ATF1: variants seen among roughly 807,000 people sequenced by gnomAD.
ATF1 encodes cyclic AMP-dependent transcription factor ATF-1.
ATF1 carries 16 observed loss-of-function variants against 34.7 expected under a neutral mutation model. The ratio of observed to expected loss-of-function variants is 0.46; its 90% confidence interval spans 0.31 to 0.70. ATF1 has a LOEUF of 0.70. ATF1 is among the 30% of genes least tolerant of loss of function. The probability of loss-of-function intolerance (pLI) is 0.05; values close to 1 mark genes in which losing one functional copy is unlikely to be tolerated. For missense variants in ATF1, 255 were observed against 321.6 expected, an observed-to-expected ratio of 0.79 and a Z score of 1.58; for synonymous variants, 105 against 113.1, an observed-to-expected ratio of 0.93 and a Z score of 0.46.
intron 3 of ATF1, among the ~76,000 whole-genome samples, chr12:50,801,993 T>A (rs2139678677): frequency 6.6e-6 from 1 of 152,296 alleles, no homozygotes; most frequent in East Asian, 1.9e-4. Context: ...GACAGTATCT[T>A]ATATATACAA....
intron 1 of ATF1, 121 bp from the exon 2 acceptor site, chr12:50,780,019 C>A: frequency 1.6e-6 from 1 of 625,544 alleles, no homozygotes; most frequent in Non-Finnish European, 2.6e-6. Context: ...TATCTCTATA[C>A]CATTGCTACC....
intron 2 of ATF1, among the ~76,000 whole-genome samples, chr12:50,787,472 C>T (rs1019887553): frequency 6.6e-6 from 1 of 152,130 alleles, no homozygotes; most frequent in African/African-American, 2.4e-5. Context: ...GTGGCTCACG[C>T]CTGTAATCCC....
At chr12:50,779,632 C>T (rs1941010733) in intron 1 of ATF1, among the ~76,000 whole-genome samples, 1 of 148,714 alleles carries the variant, frequency 6.7e-6, no homozygotes, top group Non-Finnish European at 1.5e-5. Context: ...GTTAGTGGTT[C>T]TCTCCCTATT....
chr12:50,793,861 GGGGAAGGC>G (rs1341454721), intron 2 of ATF1, among the ~76,000 whole-genome samples: 1 of 152,086 alleles, frequency 6.6e-6, no homozygotes, highest in Non-Finnish European at 1.5e-5. Context: ...AAATAGTTTA[GGGGAAGGC>G]TTTCTATAGA....
At position 50,796,026 on chromosome 12, in the gene ATF1, A is replaced by T. The variant is rs772908200; in HGVS notation, c.194+17A>T. On this transcript the variant is annotated intron_variant, in intron 3 of 6. Coordinates refer to ENST00000262053, the MANE Select transcript of ATF1 (RefSeq NM_005171.5). ...ATCTTACAGGTGAGTACTCTCTTGT[A>T]TGAAGCCCTGCATGTTATGATAGTA... The T allele has an allele frequency of 2.5e-6, 4 of 1,571,480 alleles. No individual in the cohort carries two copies. Among genetic ancestry groups the T allele is most frequent in the Non-Finnish European group, 3.5e-6 (4 of 1,153,630 alleles).
At chr12:50,768,410 A>T (rs1463449195) in intron 1 of ATF1, among the ~76,000 whole-genome samples, 6 of 152,242 alleles carry the variant, frequency 3.9e-5, no homozygotes, top group African/African-American at 1.4e-4. Context: ...TATGGTTAAA[A>T]TAAGTTTAAT....
chr12:50,816,593 A>G (rs1378030559), intron 6 of ATF1, among the ~76,000 whole-genome samples: 2 of 151,932 alleles, frequency 1.3e-5, no homozygotes, highest in African/African-American at 2.4e-5. Flanking sequence ...GAAACATTTT[A>G]ATGGAAAAAA....
intron 6 of ATF1, among the ~76,000 whole-genome samples, chr12:50,816,504 C>T (rs1039790088): frequency 1.3e-5 from 2 of 152,130 alleles, no homozygotes; most frequent in African/African-American, 2.4e-5. Flanking sequence ...AGGTGATGGA[C>T]ACCCTGAATC....
At chr12:50,769,154 T>C (rs1462097106) in intron 1 of ATF1, among the ~76,000 whole-genome samples, 1 of 152,180 alleles carries the variant, frequency 6.6e-6, no homozygotes, top group Non-Finnish European at 1.5e-5. Flanking sequence ...GTACTTTTGG[T>C]AAAAGATTAT....
intron 1 of ATF1, among the ~76,000 whole-genome samples, chr12:50,764,858 C>T (rs1940591136): frequency 6.6e-6 from 1 of 152,238 alleles, no homozygotes; most frequent in African/African-American, 2.4e-5. Context: ...CCCAGACAGT[C>T]CTGGAGAGAT....
intron 6 of ATF1, among the ~76,000 whole-genome samples, chr12:50,818,862 T>A (rs778044078): frequency 8.5e-5 from 13 of 152,228 alleles, no homozygotes; most frequent in Non-Finnish European, 1.9e-4. Context: ...CGCCTTGGCC[T>A]CTTAAAGTGC....
Position 50,814,031 on chromosome 12 carries a change from C to A in ATF1, c.350C>A (p.Ala117Asp), listed in dbSNP as rs377731971. ...GQYIAIAPNG[A>D]LQLASPGTDG... ...AAAGTTGCCATTGCCCCAAATGGAGCCTTACAGTTGGCAAGTCCAGGCACA... is the reference window on the plus strand; with the variant it reads ...AAAGTTGCCATTGCCCCAAATGGAGACTTACAGTTGGCAAGTCCAGGCACA... Residue 117 changes from alanine (A) to aspartate (D), a missense_variant, in exon 5 of 7, where the codon GCC (alanine) becomes GAC (aspartate). Physicochemically the swap from Ala to Asp is moderately radical, Grantham distance 126 (BLOSUM62 -2). Around this residue, in one of 2 missense-constraint regions of ATF1, gnomAD observed 221 missense variants for 250.7 expected, o/e 0.88. Transcript: ENST00000262053. 363 of 1,613,504 alleles carry A rather than the reference C, an allele frequency of 2.2e-4. 4 individuals are homozygous for A. In the South Asian group the frequency reaches 3.7e-3, roughly 16 times the overall value.
intron 2 of ATF1, among the ~76,000 whole-genome samples, chr12:50,789,318 C>G (rs1007803232): frequency 3.3e-5 from 5 of 152,202 alleles, no homozygotes; most frequent in Non-Finnish European, 7.3e-5. Context: ...ATCTGCCCAC[C>G]TCGGCCTCCC....
chr12:50,805,617 G>T (rs1374001926), intron 3 of ATF1, among the ~76,000 whole-genome samples: 1 of 151,264 alleles, frequency 6.6e-6, no homozygotes, highest in Non-Finnish European at 1.5e-5. Context: ...TGACCAAATG[G>T]TTCTTAGGTA....
intron 6 of ATF1, among the ~76,000 whole-genome samples, chr12:50,818,130 A>G (rs567612860): frequency 1.3e-5 from 2 of 152,332 alleles, no homozygotes; most frequent in Non-Finnish European, 2.9e-5. Flanking sequence ...TGATCCTTCA[A>G]GAAATACATG....
chr12:50,818,679 G>A (rs1442407936), intron 6 of ATF1, among the ~76,000 whole-genome samples: 4 of 152,120 alleles, frequency 2.6e-5, no homozygotes, highest in Non-Finnish European at 4.4e-5. Context: ...GCGCGATCTT[G>A]GCTCACTGCA....
intron 3 of ATF1, among the ~76,000 whole-genome samples, chr12:50,807,677 G>A (rs992407972): frequency 4.6e-5 from 7 of 151,904 alleles, no homozygotes; most frequent in Non-Finnish European, 7.4e-5. Context: ...TTGTTTTCAC[G>A]TAAGTATTTC....
At position 50,818,159 on chromosome 12, in the gene ATF1, G is replaced by A. The variant is rs974152526; in HGVS notation, c.672-1476G>A. 2.6e-5 allele frequency among the ~76,000 whole-genome samples: 4 copies of A among 152,138 alleles called. No individual in the cohort carries two copies. The South Asian group carries it at 8.3e-4, about 32-fold the overall frequency. On this transcript the variant is annotated intron_variant, in intron 6 of 6. Transcript: ENST00000262053. Reference sequence around the variant, plus strand: ...ATACATGTGTAGAAATACACGTAAAGAATGGAGGCTGAGTGGGTGGCTCAT... The same window carrying A: ...ATACATGTGTAGAAATACACGTAAAAAATGGAGGCTGAGTGGGTGGCTCAT...
chr12:50,789,603 C>A (rs1011729533), intron 2 of ATF1, among the ~76,000 whole-genome samples: 1 of 151,984 alleles, frequency 6.6e-6, no homozygotes, highest in Non-Finnish European at 1.5e-5. Flanking sequence ...ACTAAAAATA[C>A]AAAAATTAGC....
Sources: allele counts gnomAD v4.1 joint callset (sites outside exome capture counted in the v4.1 genomes callset), GRCh38; gene constraint gnomAD v4.1.1; regional missense constraint gnomAD v4.1.1; transcripts MANE v1.5; gene names NCBI Gene and HGNC (gene_info 2026-07-23, HGNC 2026-07-21).